Variants in PTCH1 observed in about 807,000 individuals in gnomAD.
PTCH1 encodes patched 1.
In PTCH1, 14 loss-of-function variants were observed where a neutral mutation model predicts 144.6. The ratio of observed to expected loss-of-function variants is 0.10; its 90% confidence interval spans 0.06 to 0.15. The LOEUF (loss-of-function observed/expected upper bound fraction) is 0.15, where lower values mean the gene tolerates loss of function less well. PTCH1 is among the 10% of genes least tolerant of loss of function. The pLI is 1.00. For synonymous variants in PTCH1, 833 were observed against 793.6 expected, an observed-to-expected ratio of 1.05 and a Z score of -0.83; for missense variants, 1,623 against 1,948.3, an observed-to-expected ratio of 0.83 and a Z score of 3.14.
chr9:95,484,343 T>TG (rs1256871653), intron 3 of PTCH1: 1 of 152,194 alleles, frequency 6.6e-6, no homozygotes, highest in Non-Finnish European at 1.5e-5. Context: ...TTCATGTATC[T>TG]GGTCTTGTTC....
chr9:95,511,004 C>T (rs1363035980), upstream of PTCH1, among the ~76,000 whole-genome samples: 1 of 148,666 alleles, frequency 6.7e-6, no homozygotes, highest in Admixed American at 6.6e-5. Context: ...ACGGACGTGC[C>T]GGACGCGCCG....
intron 15 of PTCH1, among the ~76,000 whole-genome samples, chr9:95,466,640 G>C (rs966428689): frequency 2.0e-5 from 3 of 152,138 alleles, no homozygotes; most frequent in African/African-American, 7.2e-5. Context: ...TAAAAACAAA[G>C]TCAATTAGAA....
rs781188522 is a variant in PTCH1, at chr9:95,456,343, G to A, written c.3239C>T (p.Ala1080Val). The A allele has an allele frequency of 1.9e-6, 3 of 1,614,096 alleles. No individual in the cohort carries two copies. The highest frequency in any genetic ancestry group is 4.5e-5 in the East Asian group (2 of 44,874). ...MMGLIGIKLS[A>V]VPVVILIASV... ...AGCGATCAGGATGACCACGGGCACG[G>A]CACTGAGCTTGATTCCGATGAGGCC... Residue 1080 changes from alanine to valine, a missense_variant, in exon 19 of 24, where the codon GCC becomes GTC. By Grantham distance (64) the Ala-to-Val change is moderately conservative. Coordinates refer to ENST00000331920, the MANE Select transcript of PTCH1 (RefSeq NM_000264.5).
intron 22 of PTCH1, among the ~76,000 whole-genome samples, chr9:95,448,193 G>A (rs1838132392): frequency 6.6e-6 from 1 of 152,204 alleles, no homozygotes; most frequent in Non-Finnish European, 1.5e-5. Flanking sequence ...GGCTCCTGCT[G>A]AACAAAACCA....
chr9:95,516,808 T>C (rs1844389205), exon 1 of PTCH1: 1 of 1,609,178 alleles, frequency 6.2e-7, no homozygotes, highest in Admixed American at 1.7e-5. Flanking sequence ...CTGTTTCTAT[T>C]AAGCAGTTCC....
chr9:95,510,271 A>C (rs1008538925), upstream of PTCH1, among the ~76,000 whole-genome samples: 1 of 151,842 alleles, frequency 6.6e-6, no homozygotes, highest in Non-Finnish European at 1.5e-5. Flanking sequence ...ATTTTTTTTT[A>C]CAAAACTCGG....
intron 2 of PTCH1, among the ~76,000 whole-genome samples, chr9:95,499,473 A>AGTGGGTGG (rs1212711464): frequency 8.5e-6 from 1 of 118,310 alleles, no homozygotes. Flanking sequence ...GGCAGGTTAG[A>AGTGGGTGG]GTGGGTGGGC....
intron 2 of PTCH1, chr9:95,494,139 C>CG: frequency 2.2e-6 from 2 of 926,698 alleles, no homozygotes; most frequent in Middle Eastern, 5.5e-4. Context: ...GGCGCTCGCG[C>CG]GGGGTTCTGC....
chr9:95,494,876 A>C (rs1479157559), intron 2 of PTCH1: 1 of 152,366 alleles, frequency 6.6e-6, no homozygotes, highest in East Asian at 1.9e-4. Context: ...CATTAACCCC[A>C]GTTTCCTTCT....
Position 95,449,804 on chromosome 9 carries a change from C to A in PTCH1, c.3549+37G>T. ...CGGCACAGGAAACACAGCATTCAGC[C>A]GGCCTACACGTGGGACATCCCCGTG... On this transcript the variant is annotated intron_variant, in intron 21 of 23. Transcript: ENST00000331920. This position sits in a 1 kb window ranked among gnomAD's most constrained non-coding sequence, Gnocchi z 5.3. The A allele has an allele frequency of 6.4e-7, 1 of 1,551,680 alleles. No individual in the cohort carries two copies. Among genetic ancestry groups the A allele is most frequent in the Non-Finnish European group, 8.9e-7 (1 of 1,124,300 alleles).
intron 1 of PTCH1, among the ~76,000 whole-genome samples, chr9:95,516,055 G>C (rs532971576): frequency 3.3e-5 from 5 of 152,134 alleles, no homozygotes; most frequent in Admixed American, 6.5e-5. Flanking sequence ...GCCTCCGCTG[G>C]CGAGTCAGTA....
intron 2 of PTCH1, chr9:95,494,489 A>G: frequency 1.0e-6 from 1 of 969,764 alleles, no homozygotes. Context: ...CCTGCAGAGC[A>G]CAGGCGGAAA....
chr9:95,462,088 C>A (rs904022041), intron 15 of PTCH1, 90 bp from the exon 16 acceptor site: 5 of 1,472,632 alleles, frequency 3.4e-6, no homozygotes, highest in Admixed American at 3.3e-5. Flanking sequence ...CTGAGCAGGG[C>A]AGGGGGCTCT....
chr9:95,476,777 A>G lies in PTCH1; in HGVS notation c.1584T>C (p.Asn528=), dbSNP rs2118280594. 5 of 1,613,958 alleles carry G rather than the reference A, an allele frequency of 3.1e-6. No individual in the cohort carries two copies. Among genetic ancestry groups the G allele is most frequent in the Non-Finnish European group, 4.2e-6 (5 of 1,179,832 alleles). The change falls in exon 11 of 24, where the codon AAT becomes AAC. Residue 528 remains asparagine (N), a synonymous_variant. Transcript: ENST00000331920. The surrounding 1 kb of genome is among the most constrained non-coding windows in gnomAD (Gnocchi z 4.6). ...GCATTACCTCAAAAGGGATTCTTTT[A>G]TTCTGTCCTGTTTCACTGAAGGCGT... ...LAHAFSETGQ[N]KRIPFEDRTG... is the part of the protein sequence containing the mutation.
intron 23 of PTCH1, 59 bp downstream of exon 23, chr9:95,446,852 C>G: frequency 6.2e-7 from 1 of 1,604,714 alleles, no homozygotes; most frequent in Non-Finnish European, 8.5e-7. Flanking sequence ...CCAGGAGAAC[C>G]TTGTCCTCCT....
At position 95,508,406 on chromosome 9, in the gene PTCH1, G is replaced by T; in HGVS notation, c.-45C>A. On this transcript the variant is annotated 5_prime_UTR_variant, in exon 1 of 24. Coordinates refer to ENST00000331920, the MANE Select transcript of PTCH1 (RefSeq NM_000264.5). ...CCGCCGCGGGGACGGAGGCTTCCCG[G>T]GCGGCCCGGCGCGCTGCTGCCGCTG... 9.3e-7 allele frequency: 1 copy of T among 1,078,010 alleles called. No homozygotes were observed. Among genetic ancestry groups the T allele is most frequent in the Non-Finnish European group, 1.1e-6 (1 of 892,286 alleles). 66.8% of individuals were successfully genotyped at this position (1,078,010 alleles called of 1,614,324 possible).
chr9:95,449,125 G>A lies in PTCH1; in HGVS notation c.3748C>T (p.Pro1250Ser), dbSNP rs1060502265. The change falls in exon 22 of 24, where the codon CCT becomes TCT. Residue 1250 changes from proline to serine, a missense_variant. Physicochemically the swap from Pro to Ser is moderately conservative, Grantham distance 74. Around this residue, in one of 7 missense-constraint regions of PTCH1, gnomAD observed 291 missense variants for 287.4 expected, o/e 1.01. Transcript: ENST00000331920. This position sits in a 1 kb window ranked among gnomAD's most constrained non-coding sequence, Gnocchi z 5.3. ...HYEAQQGAGG[P>S]AHQVIVEATE... ...GCTTCCACGATCACTTGGTGGGCAG[G>A]GCCTCCCGCGCCCTGCTGGGCCTCG... is the stretch of plus-strand genomic sequence containing the variant. 9 of 1,614,084 alleles carry A rather than the reference G, an allele frequency of 5.6e-6. No individual in the cohort carries two copies. The highest frequency in any genetic ancestry group is 3.3e-5 in the Admixed American group (2 of 60,008).
At chr9:95,500,017 T>G (rs1244306991) in intron 2 of PTCH1, among the ~76,000 whole-genome samples, 1 of 152,074 alleles carries the variant, frequency 6.6e-6, no homozygotes, top group African/African-American at 2.4e-5. Context: ...AGGTCAGCTT[T>G]GAAGGAGAAA....
chr9:95,482,606 C>T (rs766510875), intron 3 of PTCH1: 4 of 288,416 alleles, frequency 1.4e-5, no homozygotes, highest in African/African-American at 2.2e-5. Flanking sequence ...TACTCAGGTG[C>T]GGAGATGTTT....
Sources: gnomAD v4.1 joint callset for allele counts (sites outside exome capture counted in the v4.1 genomes callset) on GRCh38, gnomAD v4.1.1 for gene constraint, gnomAD v4.1.1 regional missense constraint, Gnocchi (gnomAD v3.1) non-coding constraint, MANE v1.5 for transcripts, NCBI Gene and HGNC (gene_info 2026-07-23, HGNC 2026-07-21) for gene names.